The following CKAP5 variants were observed in gnomAD, a reference collection of about 807,000 sequenced individuals.
CKAP5 encodes cytoskeleton-associated protein 5.
A neutral mutation model predicts 232.8 loss-of-function variants in CKAP5; 27 were observed. The observed-to-expected ratio is 0.12, with a 90% confidence interval of 0.09 to 0.16. CKAP5 has a LOEUF of 0.16. CKAP5 is among the 10% of genes least tolerant of loss of function. The pLI, the probability that CKAP5 is intolerant of heterozygous loss-of-function variation, is 1.00. For synonymous variants in CKAP5, 785 were observed against 841.1 expected, an observed-to-expected ratio of 0.93 and a Z score of 1.16; for missense variants, 1,838 against 2,424.7, an observed-to-expected ratio of 0.76 and a Z score of 5.08.
rs995540667 is a variant in CKAP5 at position 46,743,865 on chromosome 11, G to A, written c.*158C>T. On this transcript the variant is annotated 3_prime_UTR_variant, in exon 44 of 44. Coordinates refer to ENST00000529230, the MANE Select transcript of CKAP5 (RefSeq NM_001008938.4). ...ACGCTGACAGAGAGAAGCAGAGTAT[G>A]TACAAATACTTGTGCCACAATGACT... is the stretch of plus-strand genomic sequence containing the variant. 3.5e-6 allele frequency: 3 copies of A among 863,144 alleles called. No homozygotes were observed. Among genetic ancestry groups the A allele is most frequent in the African/African-American group, 1.7e-5 (1 of 59,660 alleles). 53.5% of individuals were successfully genotyped at this position (863,144 alleles called of 1,614,324 possible). A position where few individuals can be genotyped will look rare whatever the true frequency, so the allele number is the denominator to read the frequency against.
chr11:46,782,144 G>GTC (rs779999591), intron 18 of CKAP5, among the ~76,000 whole-genome samples: 18 of 151,814 alleles, frequency 1.2e-4, no homozygotes, highest in East Asian at 3.9e-4. Flanking sequence ...CTCTGTCTCT[G>GTC]TCTCTCTCTC....
intron 24 of CKAP5, among the ~76,000 whole-genome samples, chr11:46,775,678 T>C (rs1449885366): frequency 6.6e-6 from 1 of 151,666 alleles, no homozygotes; most frequent in Non-Finnish European, 1.5e-5. Context: ...TGCAGGGACA[T>C]TGATGAAGCT....
chr11:46,811,992 T>C (rs781154024), intron 4 of CKAP5, among the ~76,000 whole-genome samples: 10 of 152,198 alleles, frequency 6.6e-5, no homozygotes, highest in African/African-American at 2.4e-5. Context: ...AATCTTTCTT[T>C]ACTTCAGTTT....
At chr11:46,807,980 CA>C in intron 8 of CKAP5, 50 bp downstream of exon 8, 1 of 1,304,002 alleles carries the variant, frequency 7.7e-7, no homozygotes. Context: ...ATGAGAAATT[CA>C]AAGGCCTGAT....
intron 33 of CKAP5, chr11:46,760,349 T>TA (rs1211906265): frequency 1.6e-6 from 1 of 612,092 alleles, no homozygotes; most frequent in African/African-American, 1.8e-5. Flanking sequence ...AGGCAGTACT[T>TA]ACATCCTATA....
chr11:46,761,498 A>T (rs1457961852), intron 32 of CKAP5, among the ~76,000 whole-genome samples: 1 of 152,188 alleles, frequency 6.6e-6, no homozygotes, highest in Non-Finnish European at 1.5e-5. Context: ...GTGTAAATAC[A>T]TGGTGACACT....
chr11:46,759,390 C>G lies in CKAP5; in HGVS notation c.4447G>C (p.Glu1483Gln). 6.2e-7 allele frequency: 1 copy of G among 1,614,122 alleles called. No homozygotes were observed. Among genetic ancestry groups the G allele is most frequent in the Non-Finnish European group, 8.5e-7 (1 of 1,180,018 alleles). Reference sequence around the variant, plus strand: ...ATCTCATCTAGATCCAGCTGGAATTCTCGGCGGACCATCTGGGCTGCCTCA... The same window carrying G: ...ATCTCATCTAGATCCAGCTGGAATTGTCGGCGGACCATCTGGGCTGCCTCA... ...HPEAAQMVRR[E>Q]FQLDLDEIEN... Residue 1483 changes from glutamate (E) to glutamine (Q), a missense_variant, in exon 34 of 44, where the codon GAA becomes CAA. This residue lies in a region of CKAP5 where 579 missense variants were observed against 843.2 expected (regional missense o/e 0.69). Transcript: ENST00000529230.
At chr11:46,778,016 T>C in intron 22 of CKAP5, 123 bp downstream of exon 22, 1 of 729,316 alleles carries the variant, frequency 1.4e-6, no homozygotes, top group Admixed American at 2.8e-5. Context: ...TAAAGGCAGC[T>C]ATTTCTAGTT....
chr11:46,816,355 G>C lies in CKAP5; in HGVS notation c.301C>G (p.Pro101Ala). 6.2e-7 allele frequency: 1 copy of C among 1,613,972 alleles called. No individual in the cohort carries two copies. The highest frequency in any genetic ancestry group is 1.1e-5 in the South Asian group (1 of 91,066). The change falls in exon 4 of 44, where the codon CCT becomes GCT. Residue 101 changes from proline (P) to alanine (A), a missense_variant. Physicochemically the swap from Pro to Ala is conservative, Grantham distance 27 (BLOSUM62 -1). Around this residue, in one of 6 missense-constraint regions of CKAP5, gnomAD observed 285 missense variants for 300.0 expected, o/e 0.95. Coordinates refer to ENST00000529230, the MANE Select transcript of CKAP5 (RefSeq NM_001008938.4). ...CCCAGCTCCTTGGCTTTAGCTTTAG[G>C]TTGATTGAACACCTTACTTACAACA... ...SGVVSKVFNQ[P>A]KAKAKELGIE...
rs1484723986 is a variant in CKAP5, at chr11:46,763,134, T to G, written c.3733A>C (p.Ile1245Leu). The G allele has an allele frequency of 6.2e-7, 1 of 1,613,974 alleles. No individual in the cohort carries two copies. Among genetic ancestry groups the G allele is most frequent in the Non-Finnish European group, 8.5e-7 (1 of 1,179,912 alleles). ...AACCTCAGGGTAAGCCACTTTAAGA[T>G]AAGATCCAGGCAACCAATAACTCCT... ...KEGVIGCLDL[I>L]LKWLTLRFFD... The change falls in exon 30 of 44, where the codon ATC becomes CTC. Residue 1245 changes from isoleucine to leucine, a missense_variant. By Grantham distance (5) the Ile-to-Leu change is conservative. Transcript: ENST00000529230.
At chr11:46,805,831 G>C (rs1939141341) in intron 8 of CKAP5, among the ~76,000 whole-genome samples, 1 of 152,194 alleles carries the variant, frequency 6.6e-6, no homozygotes, top group Admixed American at 6.5e-5. Context: ...CAGCTATTTG[G>C]GAGGCTGAGG....
intron 4 of CKAP5, among the ~76,000 whole-genome samples, chr11:46,815,948 T>C (rs1269286661): frequency 6.6e-6 from 1 of 152,156 alleles, no homozygotes; most frequent in African/African-American, 2.4e-5. Flanking sequence ...CCCCCTGAGC[T>C]CTGCCTCCTG....
chr11:46,823,303 A>C (rs1441354801), intron 1 of CKAP5, among the ~76,000 whole-genome samples: 1 of 152,180 alleles, frequency 6.6e-6, no homozygotes, highest in Non-Finnish European at 1.5e-5. Context: ...AACTGCAGAA[A>C]ATTTAGTAAC....
chr11:46,756,965 A>C (rs2065115013), intron 35 of CKAP5, among the ~76,000 whole-genome samples: 1 of 145,680 alleles, frequency 6.9e-6, no homozygotes, highest in Non-Finnish European at 1.5e-5. Context: ...GGGTTTCTCC[A>C]TGTTGGTCAG....
intron 39 of CKAP5, 21 bp from the exon 40 acceptor site, chr11:46,751,276 A>G (rs912787960): frequency 6.2e-7 from 1 of 1,614,162 alleles, no homozygotes; most frequent in Non-Finnish European, 8.5e-7. Flanking sequence ...CACATGCATG[A>G]CTGATAGCAC....
rs1315016314 is a variant in CKAP5, at chr11:46,762,209, G to A, written c.4028-16C>T. ...TCCAGGCACTCTGATGGGGGAGAAA[G>A]GCTAGATTAATGAGACAACACATAT... On this transcript the variant is annotated splice_polypyrimidine_tract_variant and intron_variant, in intron 31 of 43. Transcript: ENST00000529230. The A allele has an allele frequency of 1.9e-6, 3 of 1,610,394 alleles. No homozygotes were observed.
At chr11:46,745,900 C>T (rs1442807410) in intron 42 of CKAP5, among the ~76,000 whole-genome samples, 6 of 151,936 alleles carry the variant, frequency 3.9e-5, no homozygotes, top group African/African-American at 1.2e-4. Context: ...TGCAGTGAGC[C>T]GAGATCGCAC....
chr11:46,763,306 A>G, intron 29 of CKAP5, 127 bp from the exon 30 acceptor site: 1 of 999,918 alleles, frequency 1.0e-6, no homozygotes, highest in Non-Finnish European at 1.5e-6. Context: ...GCCTTCAATT[A>G]AGACCTAAAA....
chr11:46,818,605 A>G, intron 2 of CKAP5, 102 bp from the exon 3 acceptor site: 1 of 814,990 alleles, frequency 1.2e-6, no homozygotes, highest in Non-Finnish European at 1.8e-6. Flanking sequence ...TGAATATCCT[A>G]TGTCAGGTAA....
Sources: allele counts gnomAD v4.1 joint callset (sites outside exome capture counted in the v4.1 genomes callset), GRCh38; gene constraint gnomAD v4.1.1; regional missense constraint gnomAD v4.1.1; transcripts MANE v1.5; gene names NCBI Gene and HGNC (gene_info 2026-07-23, HGNC 2026-07-21).